The following TCOF1 variants were observed in gnomAD, a reference collection of about 807,000 sequenced individuals.
TCOF1 encodes the protein treacle ribosome biogenesis factor 1, also known as treacle protein.
In TCOF1, 33 loss-of-function variants were observed where a neutral mutation model predicts 149.0. The observed-to-expected ratio is 0.22, with a 90% confidence interval of 0.17 to 0.30. The LOEUF (loss-of-function observed/expected upper bound fraction) is 0.30. Among genes scored for constraint, TCOF1 ranks in the 10% least tolerant of loss-of-function variants. TCOF1 has a pLI of 1.00. For missense variants in TCOF1, 1,728 were observed against 1,840.7 expected (o/e 0.94, Z 1.12); for synonymous variants, 789 against 738.8 (o/e 1.07, Z -1.10).
Position 150,379,589 on chromosome 5 carries a change from T to A in TCOF1, c.2716T>A (p.Ser906Thr), listed in dbSNP as rs752302098. ...IRAALAPAKE[S>T]PRKGAAPTPP... Reference sequence around the variant, plus strand: ...AGCTGCCTTGGCTCCTGCCAAGGAGTCCCCCAGGAAAGGGGCTGCCCCAAC... The same window carrying A: ...AGCTGCCTTGGCTCCTGCCAAGGAGACCCCCAGGAAAGGGGCTGCCCCAAC... Residue 906 changes from serine to threonine, a missense_variant, in exon 17 of 27, where the codon TCC becomes ACC. Around this residue, in one of 2 missense-constraint regions of TCOF1, gnomAD observed 1,696 missense variants for 1,765.4 expected, o/e 0.96. Transcript: ENST00000643257. 1 of 1,613,246 alleles carries A rather than the reference T, an allele frequency of 6.2e-7. No individual in the cohort carries two copies. Among genetic ancestry groups the A allele is most frequent in the East Asian group, 2.2e-5 (1 of 44,804 alleles).
chr5:150,374,107 T>C, intron 7 of TCOF1, 67 bp from the exon 8 acceptor site: 1 of 1,530,484 alleles, frequency 6.5e-7, no homozygotes, highest in African/African-American at 1.4e-5. Flanking sequence ...CTCTGGACTT[T>C]ATCCTAAAGG....
At chr5:150,398,514 C>T (rs1185870401) in intron 25 of TCOF1, 63 bp downstream of exon 25, 2 of 1,610,006 alleles carry the variant, frequency 1.2e-6, no homozygotes, top group African/African-American at 1.3e-5. Context: ...CCCTCCTACA[C>T]ACCCAGACCT....
At chr5:150,384,621 C>T in intron 17 of TCOF1, 6 of 985,466 alleles carry the variant, frequency 6.1e-6, no homozygotes, top group Non-Finnish European at 7.2e-6. Flanking sequence ...TTAAAATGAA[C>T]ATCCTGCTTA....
intron 17 of TCOF1, among the ~76,000 whole-genome samples, chr5:150,387,648 G>C (rs1766558381): frequency 6.6e-6 from 1 of 152,168 alleles, no homozygotes; most frequent in Non-Finnish European, 1.5e-5. Flanking sequence ...TTGTATAAGG[G>C]AGCTGATCCT....
chr5:150,391,743 GC>G, intron 20 of TCOF1, 86 bp downstream of exon 20: 1 of 1,342,354 alleles, frequency 7.4e-7, no homozygotes, highest in Non-Finnish European at 1.0e-6. Flanking sequence ...GCACTCATCT[GC>G]CCCATGACCT....
At chr5:150,385,550 C>A (rs1254672775) in intron 17 of TCOF1, among the ~76,000 whole-genome samples, 2 of 152,220 alleles carry the variant, frequency 1.3e-5, no homozygotes, top group Non-Finnish European at 2.9e-5. Flanking sequence ...TAAGCAGCCT[C>A]AGGCAATTCT....
intron 17 of TCOF1, among the ~76,000 whole-genome samples, chr5:150,381,778 A>G (rs949746048): frequency 6.6e-6 from 1 of 152,246 alleles, no homozygotes; most frequent in Non-Finnish European, 1.5e-5. Context: ...TAAAGTGCAC[A>G]AAGTCCCAGG....
At position 150,383,032 on chromosome 5, in the gene TCOF1, C is replaced by T. The variant is rs1381300360; in HGVS notation, c.2859+3300C>T. On this transcript the variant is annotated intron_variant, in intron 17 of 26. Transcript: ENST00000643257. ...CTCAGCAAATGCCCCACTCCCCGAC[C>T]ACGTGCTTATCCAGGTCTTGTCCCC... 2.0e-6 allele frequency: 3 copies of T among 1,509,986 alleles called. No homozygotes were observed. In the Admixed American group the frequency reaches 6.3e-5, roughly 32 times the overall value. The allele number at this position is 1,509,986 out of a possible 1,614,324, so 93.5% of individuals were successfully genotyped here.
At chr5:150,387,815 C>T (rs1456877015) in intron 17 of TCOF1, 87 bp from the exon 18 acceptor site, 1 of 1,587,848 alleles carries the variant, frequency 6.3e-7, no homozygotes, top group East Asian at 2.2e-5. Flanking sequence ...GACCCTTTGC[C>T]TTGTAAAACA....
chr5:150,374,307 C>G lies in TCOF1; in HGVS notation c.1004C>G (p.Pro335Arg). Residue 335 changes from proline to arginine, a missense_variant, in exon 8 of 27, where the codon CCA (proline) becomes CGA (arginine). Around this residue, in one of 2 missense-constraint regions of TCOF1, gnomAD observed 1,696 missense variants for 1,765.4 expected, o/e 0.96. Transcript: ENST00000643257. Reference sequence around the variant, plus strand: ...GCCTCCCAGACCAAGGCAGGGAAGCCAGAGGAGGACTCAGAGAGCAGCAGC... The same window carrying G: ...GCCTCCCAGACCAAGGCAGGGAAGCGAGAGGAGGACTCAGAGAGCAGCAGC... ...AVASQTKAGK[P>R]EEDSESSSEE... The G allele has an allele frequency of 6.3e-7, 1 of 1,585,250 alleles. No homozygotes were observed.
intron 5 of TCOF1, 102 bp from the exon 6 acceptor site, chr5:150,369,427 G>A: frequency 7.2e-7 from 1 of 1,384,138 alleles, no homozygotes; most frequent in Non-Finnish European, 1.0e-6. Flanking sequence ...TGAGCGCTCA[G>A]CACCTGGCTT....
At chr5:150,399,300 C>G (rs1363385577) in intron 26 of TCOF1, among the ~76,000 whole-genome samples, 2 of 152,158 alleles carry the variant, frequency 1.3e-5, no homozygotes, top group African/African-American at 4.8e-5. Context: ...ACCGAGTGCA[C>G]CTGGGTGCAG....
rs1763541963 is a variant in TCOF1 at position 150,375,441 on chromosome 5, C to T, written c.1591C>T (p.Pro531Ser). The T allele has an allele frequency of 6.2e-7, 1 of 1,613,560 alleles. No individual in the cohort carries two copies. The highest frequency in any genetic ancestry group is 1.1e-5 in the South Asian group (1 of 91,062). The change falls in exon 11 of 27, where the codon CCT becomes TCT. Residue 531 changes from proline (P) to serine (S), a missense_variant. Pro to Ser is a moderately conservative substitution (Grantham distance 74). Transcript: ENST00000643257. ...AGPVPPGKVG[P>S]ATPSAQVGKW... ...CCCAGTGCCACCCGGGAAGGTGGGG[C>T]CTGCAACCCCCTCAGCCCAGGTGGG... is the stretch of plus-strand genomic sequence containing the variant.
intron 17 of TCOF1, chr5:150,380,070 C>CA (rs1224924833): frequency 0.048 from 4,739 of 98,018 alleles, 188 homozygotes; most frequent in African/African-American, 0.14. Context: ...GAGACTGTCT[C>CA]AAAAAAAAAA....
At chr5:150,384,808 A>G (rs1765949638) in intron 17 of TCOF1, 3 of 985,480 alleles carry the variant, frequency 3.0e-6, no homozygotes, top group Non-Finnish European at 3.6e-6. Context: ...TCCCCAGCTC[A>G]CTAATTATGA....
At chr5:150,394,920 A>G (rs1247688848) in intron 23 of TCOF1, 1 of 148,978 alleles carries the variant, frequency 6.7e-6, no homozygotes, top group African/African-American at 2.5e-5. Context: ...CTGTCTCAAA[A>G]AAAAAAAAAA....
chr5:150,379,702 G>A lies in TCOF1; in HGVS notation c.2829G>A (p.Gly943=). ...GSSSEESDSD[G]EAPAAVTSAQ... The stretch of plus-strand genomic sequence containing the variant: ...GCAGCGAGGAATCAGACAGTGATGG[G>A]GAGGCACCGGCAGCTGTGACCTCTG... The change falls in exon 17 of 27, where the codon GGG becomes GGA. Residue 943 remains glycine (G), a synonymous_variant. Transcript: ENST00000643257. 1 of 1,614,200 alleles carries A rather than the reference G, an allele frequency of 6.2e-7. No individual in the cohort carries two copies. Among genetic ancestry groups the A allele is most frequent in the Non-Finnish European group, 8.5e-7 (1 of 1,180,038 alleles).
intron 17 of TCOF1, chr5:150,380,274 C>T: frequency 1.1e-5 from 2 of 176,114 alleles, no homozygotes; most frequent in South Asian, 1.2e-4. Flanking sequence ...TGTCCTGGGT[C>T]TATATCTAGG....
chr5:150,394,919 A>G (rs1185277950), intron 23 of TCOF1: 1 of 145,938 alleles, frequency 6.9e-6, no homozygotes, highest in Admixed American at 6.7e-5. Context: ...TCTGTCTCAA[A>G]AAAAAAAAAA....
Sources: gnomAD v4.1 joint callset for allele counts (sites outside exome capture counted in the v4.1 genomes callset) on GRCh38, gnomAD v4.1.1 for gene constraint, gnomAD v4.1.1 regional missense constraint, MANE v1.5 for transcripts, NCBI Gene and HGNC (gene_info 2026-07-23, HGNC 2026-07-21) for gene names.